Variants in BAZ2B observed in about 807,000 individuals in gnomAD.
BAZ2B encodes the protein bromodomain adjacent to zinc finger domain protein 2B.
BAZ2B carries 91 observed loss-of-function variants against 246.0 expected under a neutral mutation model. That is an observed-to-expected ratio of 0.37 (90% CI 0.31 to 0.44). The LOEUF is 0.44. Among genes scored for constraint, BAZ2B ranks in the 20% least tolerant of loss-of-function variants. The pLI is 1.00. For missense variants in BAZ2B, 2,332 were observed against 2,533.7 expected (o/e 0.92, Z 1.71); for synonymous variants, 855 against 860.0 (o/e 0.99, Z 0.10).
chr2:159,704,407 G>C, the BAZ2B span, among the ~76,000 whole-genome samples: 1 of 151,816 alleles, frequency 6.6e-6, no homozygotes, highest in African/African-American at 2.4e-5. Flanking sequence ...TAGGTATATT[G>C]GGTGATTCTG....
At chr2:159,625,390 T>G in the BAZ2B span, among the ~76,000 whole-genome samples, 1 of 151,484 alleles carries the variant, frequency 6.6e-6, no homozygotes, top group African/African-American at 2.4e-5. Context: ...TTTACCAAGG[T>G]TGAAATGAAG....
intron 2 of BAZ2B, among the ~76,000 whole-genome samples, chr2:159,491,050 T>C (rs1369908917): frequency 6.6e-6 from 1 of 152,216 alleles, no homozygotes; most frequent in African/African-American, 2.4e-5. Context: ...AGGAGTCTAT[T>C]TTATGGCTAC....
At chr2:159,321,901 G>T (rs2062761115) in intron 36 of BAZ2B, 1 of 152,192 alleles carries the variant, frequency 6.6e-6, no homozygotes, top group Admixed American at 6.5e-5. Context: ...AAGAGTAGAA[G>T]TGGATTATCT....
In BAZ2B at chr2:159,349,107, T is replaced by C. The variant is rs769706174; in HGVS notation, c.5037A>G (p.Glu1679=). The C allele has an allele frequency of 6.2e-7, 1 of 1,614,066 alleles. No homozygotes were observed. The highest frequency in any genetic ancestry group is 8.5e-7 in the Non-Finnish European group (1 of 1,179,966). The change falls in exon 29 of 37, where the codon GAA becomes GAG. Residue 1679 remains glutamate, a synonymous_variant. Coordinates refer to ENST00000392783, the MANE Select transcript of BAZ2B (RefSeq NM_013450.4). The part of the protein sequence containing the change: ...LTSNVASSKS[E]SPVPQNEKAT... ...CCTTTTCATTCTGTGGTACTGGAGATTCACTTTTACTTGAAGCAACATTGG... is the reference window on the plus strand; with the variant it reads ...CCTTTTCATTCTGTGGTACTGGAGACTCACTTTTACTTGAAGCAACATTGG...
the BAZ2B span, chr2:159,695,107 G>A: frequency 6.6e-6 from 1 of 151,898 alleles, no homozygotes; most frequent in Non-Finnish European, 1.5e-5. Flanking sequence ...TATTTTTTAT[G>A]CATTTATTGA....
the BAZ2B span, among the ~76,000 whole-genome samples, chr2:159,691,690 C>T: frequency 2.0e-5 from 3 of 152,126 alleles, no homozygotes. Context: ...TCACTAGTAG[C>T]GCTTGGTATG....
intron 14 of BAZ2B, among the ~76,000 whole-genome samples, chr2:159,407,385 C>G (rs1239555495): frequency 2.6e-5 from 4 of 151,968 alleles, no homozygotes; most frequent in Non-Finnish European, 5.9e-5. Context: ...AGCAGAAGAA[C>G]TGCTTGATCC....
At position 159,486,560 on chromosome 2, in the gene BAZ2B, C is replaced by T. The variant is rs556277831; in HGVS notation, c.-2-7839G>A. Among the ~76,000 whole-genome samples, 99 of 150,382 alleles carry T rather than the reference C, an allele frequency of 6.6e-4. 2 individuals are homozygous for T. The highest frequency in any genetic ancestry group is 2.2e-4 in the Non-Finnish European group (15 of 67,566). On this transcript the variant is annotated intron_variant, in intron 2 of 36. Transcript: ENST00000392783. ...AGTGGGGATAACAGGTTGTGAATAC[C>T]GTGAAAAAAATGTGGGCTTTTCTTT... is the stretch of plus-strand genomic sequence containing the variant.
At chr2:159,615,495 CCCCGCT>C (rs1376121142) in intron 1 of BAZ2B, 4 of 152,212 alleles carry the variant, frequency 2.6e-5, no homozygotes, top group African/African-American at 9.7e-5. Flanking sequence ...CCACCCCCAC[CCCCGCT>C]CATCTTCAGT....
intron 1 of BAZ2B, among the ~76,000 whole-genome samples, chr2:159,563,752 T>G (rs1276077385): frequency 6.6e-6 from 1 of 152,180 alleles, no homozygotes; most frequent in Non-Finnish European, 1.5e-5. Flanking sequence ...TACAACAATA[T>G]GAATGAATAT....
chr2:159,589,561 C>T (rs890066345), intron 1 of BAZ2B, among the ~76,000 whole-genome samples: 8 of 152,060 alleles, frequency 5.3e-5, no homozygotes, highest in East Asian at 3.8e-4. Flanking sequence ...TGTTAACAAT[C>T]GCCTTAGTTT....
chr2:159,618,011 A>T (rs190815779), upstream of BAZ2B, among the ~76,000 whole-genome samples: 64 of 152,334 alleles, frequency 4.2e-4, no homozygotes, highest in African/African-American at 1.5e-3. Context: ...GATGCTAAAT[A>T]AATTAATGTG....
chr2:159,519,670 CT>C (rs1156978730), intron 2 of BAZ2B, among the ~76,000 whole-genome samples: 90 of 98,270 alleles, frequency 9.2e-4, no homozygotes, highest in East Asian at 2.9e-3. Context: ...GACCTTTCTT[CT>C]TTTTTTTTTT....
At chr2:159,534,702 G>A (rs2085747527) in intron 2 of BAZ2B, among the ~76,000 whole-genome samples, 2 of 151,860 alleles carry the variant, frequency 1.3e-5, no homozygotes, top group African/African-American at 4.8e-5. Context: ...CACCTCTCAG[G>A]TTCAAGCAAT....
intron 27 of BAZ2B, among the ~76,000 whole-genome samples, chr2:159,371,659 C>A (rs546099405): frequency 6.6e-6 from 1 of 152,312 alleles, no homozygotes; most frequent in Non-Finnish European, 1.5e-5. Flanking sequence ...TTCTTCCAAT[C>A]CAATGCGTAC....
At chr2:159,555,552 C>T (rs556807929) in intron 2 of BAZ2B, 1 of 152,180 alleles carries the variant, frequency 6.6e-6, no homozygotes, top group Non-Finnish European at 1.5e-5. Context: ...TTAAGTCACA[C>T]TGAAATAATT....
At chr2:159,544,938 A>G (rs2151406968) in intron 2 of BAZ2B, among the ~76,000 whole-genome samples, 1 of 152,350 alleles carries the variant, frequency 6.6e-6, no homozygotes. Flanking sequence ...AGGTAATTCA[A>G]TTTAAGTAGG....
At chr2:159,322,336 T>A (rs2062815283) in intron 36 of BAZ2B, among the ~76,000 whole-genome samples, 1 of 152,188 alleles carries the variant, frequency 6.6e-6, no homozygotes, top group Non-Finnish European at 1.5e-5. Context: ...GTCACAACAC[T>A]GTATTATCGT....
chr2:159,317,369 T>C (rs1286964833), downstream of BAZ2B, among the ~76,000 whole-genome samples: 1 of 152,214 alleles, frequency 6.6e-6, no homozygotes, highest in Non-Finnish European at 1.5e-5. Flanking sequence ...TTGTGACAAG[T>C]TTTATTTTGG....
Sources: gnomAD v4.1 joint callset for allele counts (sites outside exome capture counted in the v4.1 genomes callset) on GRCh38, gnomAD v4.1.1 for gene constraint, MANE v1.5 for transcripts, NCBI Gene and HGNC (gene_info 2026-07-23, HGNC 2026-07-21) for gene names.